PIH1D2: variants seen among roughly 807,000 people sequenced by gnomAD.
The protein encoded by PIH1D2 is PIH1 domain containing 2, also known as PIH1 domain-containing protein 2.
A neutral mutation model predicts 31.2 loss-of-function variants in PIH1D2; 25 were observed. The observed-to-expected ratio is 0.80, with a 90% CI of 0.58 to 1.12. The LOEUF (loss-of-function observed/expected upper bound fraction) is 1.12, where lower values mean the gene tolerates loss of function less well. Ranked by LOEUF, PIH1D2 falls within the 50% of genes most tolerant of loss-of-function variation. PIH1D2 has a pLI of 0.00. For synonymous variants in PIH1D2, 116 were observed against 119.9 expected, an observed-to-expected ratio of 0.97 and a Z score of 0.21; for missense variants, 310 against 356.6, an observed-to-expected ratio of 0.87 and a Z score of 1.05.
intron 5 of PIH1D2, chr11:112,069,892 G>T (rs1264894909): frequency 6.2e-6 from 1 of 160,504 alleles, no homozygotes; most frequent in Admixed American, 5.8e-5. Context: ...ATGGGACTGA[G>T]GGAGTACATA....
downstream of PIH1D2, among the ~76,000 whole-genome samples, chr11:112,065,007 A>AT (rs1294791759): frequency 4.6e-4 from 70 of 151,408 alleles, no homozygotes; most frequent in African/African-American, 1.6e-3. Flanking sequence ...CGCCCAGCTA[A>AT]TTTTTTGTAT....
At chr11:112,056,000 T>A in the PIH1D2 span, among the ~76,000 whole-genome samples, 4 of 151,326 alleles carry the variant, frequency 2.6e-5, no homozygotes, top group Non-Finnish European at 1.5e-5. Flanking sequence ...CCCGAGTAGC[T>A]GGGACTACAG....
chr11:112,068,977 TTTTTG>T (rs1389241937), intron 5 of PIH1D2, among the ~76,000 whole-genome samples: 8 of 138,440 alleles, frequency 5.8e-5, no homozygotes, highest in African/African-American at 2.3e-4. Context: ...CTCTGAATTT[TTTTTG>T]TTTTTTTTTT....
intron 2 of PIH1D2, among the ~76,000 whole-genome samples, chr11:112,072,407 G>A (rs1555184819): frequency 1.3e-5 from 2 of 151,788 alleles, no homozygotes; most frequent in African/African-American, 4.8e-5. Context: ...AATTAGCCGG[G>A]TGTGGTGATG....
chr11:112,072,779 G>T, intron 2 of PIH1D2: 1 of 403,268 alleles, frequency 2.5e-6, no homozygotes, highest in Non-Finnish European at 4.4e-6. Context: ...CAGGAGAATC[G>T]CTTAAACCCG....
chr11:112,070,474 T>C lies in PIH1D2; in HGVS notation c.775A>G (p.Ile259Val). 6.2e-7 allele frequency: 1 copy of C among 1,614,034 alleles called. No individual in the cohort carries two copies. The highest frequency in any genetic ancestry group is 1.1e-5 in the South Asian group (1 of 91,076). ...KIELKVELPG[I>V]NSVSLCDLSV... ...AGGTCACAGAGAGAGACAGAATTAA[T>C]ACCAGGTAATTCAACTTTCAACTCA... The change falls in exon 5 of 6, where the codon ATT (isoleucine) becomes GTT (valine). Residue 259 changes from isoleucine to valine, a missense_variant. Physicochemically the swap from Ile to Val is conservative, Grantham distance 29 (BLOSUM62 3). Transcript: ENST00000280350.
the PIH1D2 span, among the ~76,000 whole-genome samples, chr11:112,052,739 A>G: frequency 2.6e-5 from 4 of 152,144 alleles, no homozygotes; most frequent in African/African-American, 9.7e-5. Flanking sequence ...TTTGATCTCC[A>G]GGATCTCCAG....
At chr11:112,062,524 A>G (rs1555183396), downstream of PIH1D2, 4 of 1,612,302 alleles carry the variant, frequency 2.5e-6, no homozygotes, top group South Asian at 2.2e-5. Flanking sequence ...ACCTATCACT[A>G]TGTTGTTGTA....
chr11:112,068,052 A>T, intron 5 of PIH1D2, 47 bp from the exon 6 acceptor site: 1 of 1,302,648 alleles, frequency 7.7e-7, no homozygotes, highest in Non-Finnish European at 1.1e-6. Flanking sequence ...AAAATTTGGG[A>T]TACTAACTTA....
chr11:112,067,854 C>T lies in PIH1D2; in HGVS notation c.*17G>A. On this transcript the variant is annotated 3_prime_UTR_variant, in exon 6 of 6. Transcript: ENST00000280350. ...TGACTTTAGCACTGAAAACCCAAAA[C>T]ATATGATGCTCTTCTTTCACACCAA... is the stretch of plus-strand genomic sequence containing the variant. 2.5e-6 allele frequency: 4 copies of T among 1,611,052 alleles called. No homozygotes were observed. Among genetic ancestry groups the T allele is most frequent in the Non-Finnish European group, 3.4e-6 (4 of 1,179,232 alleles).
downstream of PIH1D2, chr11:112,060,140 T>C: frequency 7.4e-7 from 1 of 1,345,164 alleles, no homozygotes; most frequent in Non-Finnish European, 1.0e-6. Context: ...ATTTTTCACC[T>C]TTTGATTCTG....
downstream of PIH1D2, among the ~76,000 whole-genome samples, chr11:112,060,516 G>A (rs1864517829): frequency 6.6e-6 from 1 of 151,706 alleles, no homozygotes; most frequent in African/African-American, 2.4e-5. Context: ...GTACAATGGT[G>A]CAATCTTGGC....
At chr11:112,058,548 G>T (rs1419395849), downstream of PIH1D2, among the ~76,000 whole-genome samples, 3 of 127,428 alleles carry the variant, frequency 2.4e-5, no homozygotes, top group Admixed American at 2.0e-4. Flanking sequence ...CCCTTAGGCA[G>T]ACCCCAAGGA....
chr11:112,070,057 C>CTAACTATTTGCTCTTCTGACTCT, intron 5 of PIH1D2: 1 of 332,840 alleles, frequency 3.0e-6, no homozygotes, highest in Non-Finnish European at 5.5e-6. Flanking sequence ...AGGACTGACT[C>CTAACTATTTGCTCTTCTGACTCT]TAACTATTTG....
intron 5 of PIH1D2, chr11:112,070,014 A>C: frequency 4.9e-6 from 1 of 203,170 alleles, no homozygotes; most frequent in Non-Finnish European, 1.0e-5. Context: ...AGAAGCAAAT[A>C]TTTGCAACCA....
chr11:112,061,295 C>T (rs1864606008), downstream of PIH1D2: 1 of 992,548 alleles, frequency 1.0e-6, no homozygotes, highest in Admixed American at 1.8e-5. Context: ...CCACAATGCT[C>T]AAGTCCCTGA....
chr11:112,067,549 C>T (rs1314746772), downstream of PIH1D2, among the ~76,000 whole-genome samples: 1 of 147,784 alleles, frequency 6.8e-6, no homozygotes, highest in Non-Finnish European at 1.5e-5. Flanking sequence ...CCTGTAATCC[C>T]AGCTACTCGG....
rs1865102355 is a variant in PIH1D2, at chr11:112,071,291, T to C, written c.302-8A>G. ...CAATGACTGTGTAAGCATCTGTGTG[T>C]GTAATTGAAAGGGTATGAAATGAAG... is the stretch of plus-strand genomic sequence containing the variant. On this transcript the variant is annotated splice_polypyrimidine_tract_variant and splice_region_variant and intron_variant, in intron 3 of 5. Transcript: ENST00000280350. 1 of 1,606,248 alleles carries C rather than the reference T, an allele frequency of 6.2e-7. No homozygotes were observed. The highest frequency in any genetic ancestry group is 8.5e-7 in the Non-Finnish European group (1 of 1,175,862).
chr11:112,072,499 T>C (rs1865153156), intron 2 of PIH1D2, among the ~76,000 whole-genome samples: 1 of 137,934 alleles, frequency 7.2e-6, no homozygotes, highest in African/African-American at 2.8e-5. Context: ...TGAGCTGTGA[T>C]TGTGCCACTG....
Sources: allele counts gnomAD v4.1 joint callset (sites outside exome capture counted in the v4.1 genomes callset), GRCh38; gene constraint gnomAD v4.1.1; transcripts MANE v1.5; gene names NCBI Gene and HGNC (gene_info 2026-07-23, HGNC 2026-07-21).